Variants in CTIF observed in about 807,000 individuals in gnomAD.
The protein encoded by CTIF is CBP80/20-dependent translation initiation factor.
In CTIF, 21 loss-of-function variants were observed where a neutral mutation model predicts 66.0. The observed-to-expected ratio is 0.32, with a 90% CI of 0.23 to 0.46. The LOEUF (loss-of-function observed/expected upper bound fraction) is 0.46. Ranked by LOEUF, CTIF falls within the 20% of genes least tolerant of loss-of-function variation. CTIF has a pLI of 1.00. For synonymous variants in CTIF, 345 were observed against 326.4 expected (o/e 1.06, Z -0.62); for missense variants, 739 against 812.7 (o/e 0.91, Z 1.10).
rs778315976 is a variant in CTIF at position 48,859,499 on chromosome 18, C to G, written c.1737C>G (p.Asn579Lys). The G allele has an allele frequency of 1.9e-6, 3 of 1,614,220 alleles. No homozygotes were observed. The highest frequency in any genetic ancestry group is 2.5e-6 in the Non-Finnish European group (3 of 1,180,038). Residue 579 changes from asparagine to lysine, a missense_variant, in exon 12 of 12, where the codon AAC becomes AAG. Physicochemically the swap from Asn to Lys is moderately conservative, Grantham distance 94. This residue lies in a region of CTIF where 210 missense variants were observed against 292.3 expected (regional missense o/e 0.72). Transcript: ENST00000256413. The part of the protein sequence containing the change: ...EVIELHANSW[N>K]PLTPPITQYY... ...TCGAGCTCCACGCTAACAGCTGGAA[C>G]CCTCTGACGCCCCCCATCACGCAGT...
At chr18:48,841,994 C>T (rs772148077) in intron 10 of CTIF, among the ~76,000 whole-genome samples, 10 of 152,230 alleles carry the variant, frequency 6.6e-5, no homozygotes, top group African/African-American at 1.4e-4. Context: ...GCTTTGCCTC[C>T]GGTTTCATTA....
rs193106168 is a variant in CTIF, at chr18:48,663,840, C to A, written c.326+15C>A. The A allele has an allele frequency of 1.5e-4, 244 of 1,612,684 alleles. 3 individuals are homozygous for A. The African/African-American group carries it at 2.9e-3, about 19-fold the overall frequency. On this transcript the variant is annotated intron_variant, in intron 4 of 11. Transcript: ENST00000256413. Reference sequence around the variant, plus strand: ...GATTCCTTCAGGTAACCTCCTCCTCCCTCCTTCCCTGTGGTGTGAGGTCCA... The same window carrying A: ...GATTCCTTCAGGTAACCTCCTCCTCACTCCTTCCCTGTGGTGTGAGGTCCA...
At chr18:48,852,141 G>A (rs944150393) in intron 10 of CTIF, among the ~76,000 whole-genome samples, 1 of 148,928 alleles carries the variant, frequency 6.7e-6, no homozygotes. Context: ...GGCTGAGGCT[G>A]GAAGATTGCT....
At chr18:48,676,507 CA>C (rs1450139572) in intron 6 of CTIF, among the ~76,000 whole-genome samples, 1 of 152,176 alleles carries the variant, frequency 6.6e-6, no homozygotes, top group Non-Finnish European at 1.5e-5. Flanking sequence ...TCAGACCTAG[CA>C]GGGCCGGCTC....
intron 6 of CTIF, among the ~76,000 whole-genome samples, chr18:48,705,194 T>C (rs1457759186): frequency 6.6e-6 from 1 of 152,198 alleles, no homozygotes; most frequent in Admixed American, 6.5e-5. Context: ...CATCTCACAG[T>C]CTAGAGGTGT....
At chr18:48,792,915 A>T (rs551069869) in intron 9 of CTIF, among the ~76,000 whole-genome samples, 2 of 152,288 alleles carry the variant, frequency 1.3e-5, no homozygotes, top group East Asian at 3.9e-4. Flanking sequence ...CTGGATAGAA[A>T]TAAGCCTCAG....
chr18:48,776,686 G>T (rs1014382713), intron 9 of CTIF, among the ~76,000 whole-genome samples: 1 of 152,216 alleles, frequency 6.6e-6, no homozygotes, highest in Non-Finnish European at 1.5e-5. Context: ...TGTCTGCCTC[G>T]CACAGCCCCT....
intron 2 of CTIF, among the ~76,000 whole-genome samples, chr18:48,632,208 G>A (rs1375054859): frequency 1.3e-5 from 2 of 152,160 alleles, no homozygotes; most frequent in African/African-American, 4.8e-5. Flanking sequence ...CCCTGGACAG[G>A]TTGCCTCTGG....
chr18:48,856,362 A>T (rs968949297), intron 10 of CTIF, among the ~76,000 whole-genome samples: 36 of 152,222 alleles, frequency 2.4e-4, no homozygotes, highest in African/African-American at 8.4e-4. Flanking sequence ...GCTACTCAAA[A>T]AGCTGAACAT....
At chr18:48,843,221 A>G (rs1303587806) in intron 10 of CTIF, among the ~76,000 whole-genome samples, 1 of 151,682 alleles carries the variant, frequency 6.6e-6, no homozygotes, top group Non-Finnish European at 1.5e-5. Flanking sequence ...AGGGTCAGAG[A>G]TTTCCCCCTA....
At chr18:48,653,463 A>G (rs1319991158) in intron 3 of CTIF, among the ~76,000 whole-genome samples, 3 of 152,234 alleles carry the variant, frequency 2.0e-5, no homozygotes, top group East Asian at 3.8e-4. Flanking sequence ...CCACTACTCA[A>G]TGAAATAAAA....
chr18:48,688,512 AAG>A (rs2091878979), intron 6 of CTIF: 1 of 152,242 alleles, frequency 6.6e-6, no homozygotes, highest in Non-Finnish European at 1.5e-5. Flanking sequence ...TGGAGGAACA[AAG>A]AGATGAAATG....
At chr18:48,677,843 C>A (rs1433105369) in intron 6 of CTIF, among the ~76,000 whole-genome samples, 5 of 152,222 alleles carry the variant, frequency 3.3e-5, no homozygotes, top group Admixed American at 6.5e-5. Context: ...CACCCAGCAT[C>A]TTAGTCCAGA....
At chr18:48,588,930 T>G (rs2089831060) in intron 1 of CTIF, among the ~76,000 whole-genome samples, 1 of 152,152 alleles carries the variant, frequency 6.6e-6, no homozygotes, top group Non-Finnish European at 1.5e-5. Flanking sequence ...CACCGGACTT[T>G]TCCCTTTCCC....
At chr18:48,681,430 T>A (rs1598859042) in intron 6 of CTIF, among the ~76,000 whole-genome samples, 1 of 152,188 alleles carries the variant, frequency 6.6e-6, no homozygotes, top group African/African-American at 2.4e-5. Flanking sequence ...ATGCTACCAC[T>A]CTTTCCCTCC....
rs549061031 is a variant in CTIF, at chr18:48,598,636, C to T, written c.-28-20902C>T. Among the ~76,000 whole-genome samples, 109 of 152,258 alleles carry T rather than the reference C, an allele frequency of 7.2e-4. 1 individual carries two copies. Among genetic ancestry groups the T allele is most frequent in the African/African-American group, 2.6e-3 (106 of 41,538 alleles). ...ATCTGCAGCTCAGAGGGCCATGAAA[C>T]GGTGAAACGGCATGGTGGTGTGGGC... On this transcript the variant is annotated intron_variant, in intron 1 of 11. Transcript: ENST00000256413.
Position 48,758,510 on chromosome 18 carries a change from C to A in CTIF, c.1071+105C>A, listed in dbSNP as rs1410187298. The A allele has an allele frequency of 4.3e-6, 6 of 1,392,754 alleles. No homozygotes were observed. The African/African-American group carries it at 7.2e-5, about 17-fold the overall frequency. 86.3% of individuals were successfully genotyped at this position (1,392,754 alleles called of 1,614,324 possible). A position where few individuals can be genotyped will look rare whatever the true frequency, so the allele number is the denominator to read the frequency against. On this transcript the variant is annotated intron_variant, in intron 8 of 11. Coordinates refer to ENST00000256413, the MANE Select transcript of CTIF (RefSeq NM_014772.3). ...TGCAGAGCCTTGTGGGTTTGAGGGTCTAGGGAGCCATGTACAGGGAAGCAG... is the reference window on the plus strand; with the variant it reads ...TGCAGAGCCTTGTGGGTTTGAGGGTATAGGGAGCCATGTACAGGGAAGCAG...
chr18:48,862,751 C>T lies in CTIF; in HGVS notation c.*3192C>T, dbSNP rs867211808. 1 of 152,208 alleles carries T rather than the reference C, an allele frequency of 6.6e-6. No individual in the cohort carries two copies. The highest frequency in any genetic ancestry group is 1.5e-5 in the Non-Finnish European group (1 of 68,036). 9.4% of individuals were successfully genotyped at this position (152,208 alleles called of 1,614,324 possible). On this transcript the variant is annotated 3_prime_UTR_variant, in exon 12 of 12. Transcript: ENST00000256413. ...GATCAGGCCGGGGCAGCTGTAGGGG[C>T]GGGGGCCCAGACAGCCAGGCCGCCA...
chr18:48,558,778 T>C lies in CTIF; in HGVS notation c.-29+19466T>C, dbSNP rs186881442. On this transcript the variant is annotated intron_variant, in intron 1 of 11. Transcript: ENST00000256413. ...AACATCAGCACAGTGACAGTTGATA[T>C]ATTTAATTGTTCAAATGATCATCTT... Among the ~76,000 whole-genome samples the C allele has an allele frequency of 1.3e-3, 200 of 152,338 alleles. 1 individual carries two copies. Among genetic ancestry groups the C allele is most frequent in the East Asian group, 2.3e-3 (12 of 5,184 alleles).
Sources: gnomAD v4.1 joint callset for allele counts (sites outside exome capture counted in the v4.1 genomes callset) on GRCh38, gnomAD v4.1.1 for gene constraint, gnomAD v4.1.1 regional missense constraint, MANE v1.5 for transcripts, NCBI Gene and HGNC (gene_info 2026-07-23, HGNC 2026-07-21) for gene names.